Variants in FBXW7 observed in about 807,000 individuals in gnomAD.
FBXW7 encodes the protein F-box/WD repeat-containing protein 7.
FBXW7 carries 11 observed loss-of-function variants against 86.3 expected under a neutral mutation model. The observed-to-expected ratio is 0.13, with a 90% confidence interval of 0.08 to 0.21. FBXW7 has a LOEUF of 0.21. Ranked by LOEUF, FBXW7 falls within the 10% of genes least tolerant of loss-of-function variation. The probability of loss-of-function intolerance (pLI) is 1.00; values close to 1 mark genes in which losing one functional copy is unlikely to be tolerated. For synonymous variants in FBXW7, 313 were observed against 297.9 expected (o/e 1.05, Z -0.52); for missense variants, 488 against 847.4 (o/e 0.58, Z 5.27).
chr4:152,364,339 G>A (rs1733262234), intron 4 of FBXW7, among the ~76,000 whole-genome samples: 1 of 152,096 alleles, frequency 6.6e-6, no homozygotes, highest in Non-Finnish European at 1.5e-5. Context: ...TGAAATAAAA[G>A]AGAGCTGAAA....
chr4:152,462,305 G>A (rs1304580523), intron 2 of FBXW7, among the ~76,000 whole-genome samples: 1 of 152,200 alleles, frequency 6.6e-6, no homozygotes, highest in Non-Finnish European at 1.5e-5. Flanking sequence ...CACGCAAATT[G>A]CATGCAAGTT....
intron 10 of FBXW7, chr4:152,328,598 G>A (rs901702283): frequency 7.6e-6 from 3 of 396,136 alleles, no homozygotes; most frequent in Non-Finnish European, 1.3e-5. Flanking sequence ...ACAAGCAATT[G>A]TGTATGTAGT....
In FBXW7 at chr4:152,330,870, TA is replaced by T; in HGVS notation, c.986-3del. ...TGATGTGCAATGGTTCATCAATCCC[TA>T]AAGTGTTACAGTTCAAGAGTAAATT... On this transcript the variant is annotated splice_region_variant and splice_polypyrimidine_tract_variant and intron_variant, in intron 8 of 13. Coordinates refer to ENST00000281708, the MANE Select transcript of FBXW7 (RefSeq NM_001349798.2). 1 of 1,610,826 alleles carries T rather than the reference TA, an allele frequency of 6.2e-7. No individual in the cohort carries two copies. The highest frequency in any genetic ancestry group is 8.5e-7 in the Non-Finnish European group (1 of 1,178,026).
At chr4:152,455,757 C>T (rs1010108442) in intron 2 of FBXW7, among the ~76,000 whole-genome samples, 2 of 152,034 alleles carry the variant, frequency 1.3e-5, no homozygotes, top group Admixed American at 6.6e-5. Context: ...AGCTCATGGC[C>T]CCTTCCCTTC....
intron 4 of FBXW7, among the ~76,000 whole-genome samples, chr4:152,399,407 C>T (rs893079889): frequency 2.0e-5 from 3 of 152,146 alleles, no homozygotes; most frequent in Non-Finnish European, 4.4e-5. Flanking sequence ...TAAGATCAGA[C>T]ACAAGGCAAG....
intron 2 of FBXW7, among the ~76,000 whole-genome samples, chr4:152,440,303 A>C (rs987903547): frequency 1.3e-5 from 2 of 152,230 alleles, no homozygotes; most frequent in African/African-American, 4.8e-5. Flanking sequence ...TTGCAGCACA[A>C]CACCTTTGAA....
At chr4:152,450,944 A>G (rs1009716609) in intron 2 of FBXW7, among the ~76,000 whole-genome samples, 1 of 152,162 alleles carries the variant, frequency 6.6e-6, no homozygotes, top group Non-Finnish European at 1.5e-5. Flanking sequence ...TATCCCTTGG[A>G]TCTTATATTA....
chr4:152,414,132 T>G (rs930255784), intron 2 of FBXW7, among the ~76,000 whole-genome samples: 3 of 152,158 alleles, frequency 2.0e-5, no homozygotes, highest in Non-Finnish European at 4.4e-5. Context: ...TTAATATACA[T>G]TGATTCATTA....
At chr4:152,436,729 A>G (rs956337528) in intron 2 of FBXW7, among the ~76,000 whole-genome samples, 2 of 152,344 alleles carry the variant, frequency 1.3e-5, no homozygotes, top group African/African-American at 2.4e-5. Context: ...CAAAAACTGT[A>G]GAGCTCTTAA....
At position 152,446,403 on chromosome 4, in the gene FBXW7, C is replaced by T. The variant is rs72955066; in HGVS notation, c.-119-33874G>A. On this transcript the variant is annotated intron_variant, in intron 2 of 13. Transcript: ENST00000281708. The stretch of plus-strand genomic sequence containing the variant: ...TAAGAAACTTCATCCTTCTTCCTAA[C>T]TCTAACTTCTATAGCTTCAAGGTCA... 8.7e-3 allele frequency among the ~76,000 whole-genome samples: 1,275 copies of T among 147,026 alleles called. 27 individuals are homozygous for T. Among genetic ancestry groups the T allele is most frequent in the African/African-American group, 0.03 (1,222 of 40,082 alleles).
chr4:152,367,933 C>A (rs575606974), intron 4 of FBXW7, among the ~76,000 whole-genome samples: 1 of 151,910 alleles, frequency 6.6e-6, no homozygotes, highest in Non-Finnish European at 1.5e-5. Flanking sequence ...AAGAAAAAAA[C>A]TGGTAAGTTT....
chr4:152,394,935 A>T (rs1012051515), intron 4 of FBXW7, among the ~76,000 whole-genome samples: 3 of 152,116 alleles, frequency 2.0e-5, no homozygotes, highest in South Asian at 2.1e-4. Context: ...ATTCATGAGA[A>T]TTAATGCATT....
intron 2 of FBXW7, among the ~76,000 whole-genome samples, chr4:152,433,944 C>CTCAAACAACATGAGTTTG (rs1170653285): frequency 1.3e-5 from 2 of 152,152 alleles, no homozygotes; most frequent in African/African-American, 2.4e-5. Flanking sequence ...ACAGTTGTCC[C>CTCAAACAACATGAGTTTG]TCAAACAACA....
At chr4:152,441,994 A>G (rs1740936780) in intron 2 of FBXW7, among the ~76,000 whole-genome samples, 1 of 152,204 alleles carries the variant, frequency 6.6e-6, no homozygotes, top group Admixed American at 6.5e-5. Context: ...CCTCCCAGAA[A>G]AAAGTAACCT....
chr4:152,338,429 T>C (rs1273384216), intron 6 of FBXW7, among the ~76,000 whole-genome samples: 1 of 152,038 alleles, frequency 6.6e-6, no homozygotes, highest in African/African-American at 2.4e-5. Flanking sequence ...TTGACAACTG[T>C]CTTCCACAAA....
At chr4:152,410,319 A>T (rs1453905705) in intron 4 of FBXW7, among the ~76,000 whole-genome samples, 1 of 152,170 alleles carries the variant, frequency 6.6e-6, no homozygotes, top group Non-Finnish European at 1.5e-5. Flanking sequence ...TGACACTATA[A>T]AAGGTCTGAG....
intron 2 of FBXW7, among the ~76,000 whole-genome samples, chr4:152,506,453 T>G (rs559960974): frequency 6.6e-6 from 1 of 152,166 alleles, no homozygotes; most frequent in Non-Finnish European, 1.5e-5. Flanking sequence ...TTCAGACGAC[T>G]GGCAGTGCAG....
chr4:152,383,897 G>A (rs1397393563), intron 4 of FBXW7, among the ~76,000 whole-genome samples: 1 of 152,092 alleles, frequency 6.6e-6, no homozygotes, highest in Non-Finnish European at 1.5e-5. Flanking sequence ...CCAAAGATAT[G>A]TAAATGGTCA....
chr4:152,493,570 C>T (rs1461304387), intron 2 of FBXW7, among the ~76,000 whole-genome samples: 2 of 152,112 alleles, frequency 1.3e-5, no homozygotes, highest in African/African-American at 4.8e-5. Context: ...CGTCAGAACA[C>T]GACTGTATTT....
Sources: allele counts gnomAD v4.1 joint callset (sites outside exome capture counted in the v4.1 genomes callset), GRCh38; gene constraint gnomAD v4.1.1; transcripts MANE v1.5; gene names NCBI Gene and HGNC (gene_info 2026-07-23, HGNC 2026-07-21).